Variants in LDAH observed in about 807,000 individuals in gnomAD.
LDAH encodes lipid droplet associated hydrolase.
In LDAH, 26 loss-of-function variants were observed where a neutral mutation model predicts 29.6. The observed-to-expected ratio is 0.88, with a 90% CI of 0.64 to 1.22. LDAH has a LOEUF of 1.22. Ranked by LOEUF, LDAH falls within the 50% of genes most tolerant of loss-of-function variation. LDAH has a pLI of 0.00. For synonymous variants in LDAH, 117 were observed against 133.0 expected, an observed-to-expected ratio of 0.88 and a Z score of 0.83; for missense variants, 344 against 387.3, an observed-to-expected ratio of 0.89 and a Z score of 0.94.
intron 5 of LDAH, among the ~76,000 whole-genome samples, chr2:20,710,577 T>C (rs1572446162): frequency 7.1e-6 from 1 of 140,850 alleles, no homozygotes; most frequent in South Asian, 2.2e-4. Flanking sequence ...GGACTATATA[T>C]ATATAGGGGT....
In LDAH at chr2:20,760,953, T is replaced by TA. The variant is rs1424426545; in HGVS notation, c.468+13856dup. ...CCCTAAAGTCTGTCCGCCACACCCCTAAGCTCTTTCCTTTCACTTACAGCA... is the reference window on the plus strand; with the variant it reads ...CCCTAAAGTCTGTCCGCCACACCCCTAAAGCTCTTTCCTTTCACTTACAGCA... On this transcript the variant is annotated intron_variant, in intron 4 of 6. Transcript: ENST00000237822. Among the ~76,000 whole-genome samples, 14 of 152,334 alleles carry TA rather than the reference T, an allele frequency of 9.2e-5. 1 individual carries two copies. The East Asian group carries it at 2.5e-3, about 27-fold the overall frequency.
intron 2 of LDAH, among the ~76,000 whole-genome samples, chr2:20,797,572 A>T (rs748417436): frequency 1.3e-5 from 2 of 152,074 alleles, no homozygotes; most frequent in Non-Finnish European, 2.9e-5. Context: ...AAAACCTCTC[A>T]GTCCTAGGCA....
chr2:20,798,137 C>A (rs1181379005), intron 2 of LDAH, among the ~76,000 whole-genome samples: 1 of 152,160 alleles, frequency 6.6e-6, no homozygotes, highest in Non-Finnish European at 1.5e-5. Flanking sequence ...AACCTAGAGT[C>A]TAAGACATTT....
chr2:20,732,899 C>T (rs555351071), intron 5 of LDAH, among the ~76,000 whole-genome samples: 1 of 100,780 alleles, frequency 9.9e-6, no homozygotes, highest in South Asian at 2.8e-4. Flanking sequence ...GACAGGGTCT[C>T]ACTATGTCGC....
At chr2:20,761,094 A>G (rs1668656226) in intron 4 of LDAH, among the ~76,000 whole-genome samples, 1 of 152,124 alleles carries the variant, frequency 6.6e-6, no homozygotes, top group South Asian at 2.1e-4. Context: ...GCTCCTTTGG[A>G]TGTATATAGC....
At chr2:20,750,927 T>A (rs746350665) in intron 4 of LDAH, among the ~76,000 whole-genome samples, 2 of 152,226 alleles carry the variant, frequency 1.3e-5, no homozygotes, top group Admixed American at 1.3e-4. Flanking sequence ...AAATGCTGCA[T>A]GTTCTCACCT....
intron 4 of LDAH, among the ~76,000 whole-genome samples, chr2:20,764,860 C>T (rs1362628506): frequency 6.6e-6 from 1 of 152,140 alleles, no homozygotes; most frequent in Non-Finnish European, 1.5e-5. Flanking sequence ...ACACATGGCT[C>T]CTTGGCACTT....
At chr2:20,683,189 A>G (rs11675383), downstream of LDAH, among the ~76,000 whole-genome samples, 63,531 of 152,032 alleles carry the variant, frequency 0.42, 13,845 homozygotes, top group Middle Eastern at 0.49. Flanking sequence ...CTGGTGGGAG[A>G]GGCCAGACCC....
chr2:20,801,491 G>A lies in LDAH; in HGVS notation c.-2-26C>T, dbSNP rs371525532. 7 of 1,595,378 alleles carry A rather than the reference G, an allele frequency of 4.4e-6. No homozygotes were observed. The Middle Eastern group carries it at 5.0e-4, about 113-fold the overall frequency. On this transcript the variant is annotated intron_variant, in intron 1 of 6. Transcript: ENST00000237822. Reference sequence around the variant, plus strand: ...CTAAATAAGGGGAGAAAAGTAGTATGAAGAGTCAGTAAAATGTAAAACCTT... The same window carrying A: ...CTAAATAAGGGGAGAAAAGTAGTATAAAGAGTCAGTAAAATGTAAAACCTT...
At chr2:20,749,604 A>G (rs1450891607) in intron 4 of LDAH, among the ~76,000 whole-genome samples, 2 of 152,228 alleles carry the variant, frequency 1.3e-5, no homozygotes, top group Non-Finnish European at 2.9e-5. Flanking sequence ...GGACACTCTC[A>G]GCGTCTAGGA....
At chr2:20,788,473 C>A (rs916561980) in intron 3 of LDAH, among the ~76,000 whole-genome samples, 1 of 152,152 alleles carries the variant, frequency 6.6e-6, no homozygotes, top group Non-Finnish European at 1.5e-5. Flanking sequence ...ATAATCAAAA[C>A]TAGCCTTCAA....
At chr2:20,789,941 G>GCC (rs1670829476) in intron 3 of LDAH, among the ~76,000 whole-genome samples, 1 of 152,130 alleles carries the variant, frequency 6.6e-6, no homozygotes, top group African/African-American at 2.4e-5. Flanking sequence ...AATGGTTGGG[G>GCC]ACTGCTTTTT....
chr2:20,770,238 G>C (rs1669318604), intron 4 of LDAH, among the ~76,000 whole-genome samples: 1 of 152,086 alleles, frequency 6.6e-6, no homozygotes, highest in Non-Finnish European at 1.5e-5. Context: ...AAGTAATCCA[G>C]AAATTTCATT....
At chr2:20,822,246 T>C (rs1371419395) in intron 1 of LDAH, among the ~76,000 whole-genome samples, 1 of 152,128 alleles carries the variant, frequency 6.6e-6, no homozygotes, top group Non-Finnish European at 1.5e-5. Context: ...TGCTTCAGTC[T>C]CCCGAGTAGC....
At chr2:20,725,308 A>G (rs2149406619) in intron 5 of LDAH, among the ~76,000 whole-genome samples, 1 of 152,348 alleles carries the variant, frequency 6.6e-6, no homozygotes, top group East Asian at 1.9e-4. Context: ...AAAATAAAAA[A>G]TACAATAATC....
intron 1 of LDAH, among the ~76,000 whole-genome samples, chr2:20,804,008 C>G (rs965386136): frequency 6.6e-6 from 1 of 152,146 alleles, no homozygotes; most frequent in Non-Finnish European, 1.5e-5. Flanking sequence ...CTATTTGTTA[C>G]ATGAAGCCTT....
chr2:20,746,911 G>A (rs1460609002), intron 4 of LDAH, among the ~76,000 whole-genome samples: 3 of 152,192 alleles, frequency 2.0e-5, no homozygotes, highest in East Asian at 1.9e-4. Flanking sequence ...AAGCACAACC[G>A]TGTTTTCTTG....
Position 20,684,928 on chromosome 2 carries a change from G to A in LDAH, c.*1975C>T. The A allele has an allele frequency of 3.2e-6, 5 of 1,549,316 alleles. No individual in the cohort carries two copies. Among genetic ancestry groups the A allele is most frequent in the Non-Finnish European group, 4.4e-6 (5 of 1,146,518 alleles). On this transcript the variant is annotated 3_prime_UTR_variant, in exon 7 of 7. Transcript: ENST00000237822. ...CTTGAAATCTGATTCTTCCACCTAT[G>A]AAAAAAGCAATGAGAAAGGTGGCTT...
chr2:20,721,194 T>C (rs1323472257), intron 5 of LDAH, among the ~76,000 whole-genome samples: 1 of 152,098 alleles, frequency 6.6e-6, no homozygotes, highest in Admixed American at 6.5e-5. Flanking sequence ...AGAAACAGTC[T>C]ACAGCATGGG....
Sources: gnomAD v4.1 joint callset for allele counts (sites outside exome capture counted in the v4.1 genomes callset) on GRCh38, gnomAD v4.1.1 for gene constraint, MANE v1.5 for transcripts, NCBI Gene and HGNC (gene_info 2026-07-23, HGNC 2026-07-21) for gene names.